TSPAN9: variants seen among roughly 807,000 people sequenced by gnomAD.
TSPAN9 encodes tetraspanin 9.
A neutral mutation model predicts 31.0 loss-of-function variants in TSPAN9; 16 were observed. That is an observed-to-expected ratio of 0.52 (90% confidence interval 0.35 to 0.78). The LOEUF (loss-of-function observed/expected upper bound fraction) is 0.78, where lower values mean the gene tolerates loss of function less well. Ranked by LOEUF, TSPAN9 falls within the 30% of genes least tolerant of loss-of-function variation. TSPAN9 has a pLI of 0.01. For missense variants in TSPAN9, 272 were observed against 312.5 expected (o/e 0.87, Z 0.98); for synonymous variants, 145 against 121.6 (o/e 1.19, Z -1.27).
intron 2 of TSPAN9, 130 bp downstream of exon 2, chr12:3,083,849 T>C (rs1225275717): frequency 1.3e-5 from 2 of 152,178 alleles, no homozygotes; most frequent in Non-Finnish European, 2.9e-5. Context: ...GATGCTGACA[T>C]TTTCTAGTTG....
Position 3,281,178 on chromosome 12 carries a change from C to T in TSPAN9, c.433-20C>T, listed in dbSNP as rs1437732379. 28 of 1,550,548 alleles carry T rather than the reference C, an allele frequency of 1.8e-5. No homozygotes were observed. The highest frequency in any genetic ancestry group is 5.2e-6 in the Non-Finnish European group (6 of 1,146,798). On this transcript the variant is annotated intron_variant, in intron 6 of 8. Transcript: ENST00000011898. ...CGGGCCATGGCATGTCTGACTGCCC[C>T]TTCCATTCCTGCTGGCCAGATGCGA...
intron 2 of TSPAN9, among the ~76,000 whole-genome samples, chr12:3,133,545 T>A (rs2098330767): frequency 6.6e-6 from 1 of 152,146 alleles, no homozygotes; most frequent in Admixed American, 6.5e-5. Flanking sequence ...TTCATTCCAA[T>A]GCAGTCATCT....
rs759266813 is a variant in TSPAN9, at chr12:3,166,787, G to GTT, written c.-17-34385_-17-34384dup. On this transcript the variant is annotated intron_variant, in intron 2 of 8. Coordinates refer to ENST00000011898, the MANE Select transcript of TSPAN9 (RefSeq NM_006675.5). The stretch of plus-strand genomic sequence containing the variant: ...CTCTAACAGCATAGATTAGTGTTTT[G>GTT]TTTTTTGTTTTTGTTTTTTTCTTCT... Among the ~76,000 whole-genome samples the GTT allele has an allele frequency of 2.0e-5, 3 of 152,028 alleles. 1 individual carries two copies. The highest frequency in any genetic ancestry group is 2.0e-4 in the Admixed American group (3 of 15,244).
chr12:3,164,898 T>G (rs909490315), intron 2 of TSPAN9, among the ~76,000 whole-genome samples: 2 of 152,232 alleles, frequency 1.3e-5, no homozygotes, highest in African/African-American at 4.8e-5. Context: ...TCTCCATTTC[T>G]GCTTTGTGAC....
intron 2 of TSPAN9, among the ~76,000 whole-genome samples, chr12:3,166,345 A>G (rs1042117160): frequency 6.6e-6 from 1 of 152,226 alleles, no homozygotes; most frequent in East Asian, 1.9e-4. Context: ...ACTAATTTAG[A>G]AAGGATTTGT....
At chr12:3,191,532 A>G (rs1194213799) in intron 2 of TSPAN9, among the ~76,000 whole-genome samples, 1 of 152,222 alleles carries the variant, frequency 6.6e-6, no homozygotes, top group Admixed American at 6.5e-5. Flanking sequence ...TTGAGCAACT[A>G]GAGGCCACAC....
At chr12:3,266,071 G>A (rs961632132) in intron 3 of TSPAN9, among the ~76,000 whole-genome samples, 4 of 152,102 alleles carry the variant, frequency 2.6e-5, no homozygotes, top group South Asian at 2.1e-4. Flanking sequence ...TCTTCATCCC[G>A]TCCTCCTCGG....
chr12:3,282,203 C>T, intron 8 of TSPAN9: 1 of 585,372 alleles, frequency 1.7e-6, no homozygotes, highest in East Asian at 2.8e-5. Flanking sequence ...GACCGTGAGA[C>T]CACACCGGGC....
At chr12:3,278,097 T>C (rs961468458) in intron 3 of TSPAN9, among the ~76,000 whole-genome samples, 3 of 152,238 alleles carry the variant, frequency 2.0e-5, no homozygotes, top group Admixed American at 6.5e-5. Flanking sequence ...ACCACTCACA[T>C]GTGTCCAGTA....
chr12:3,141,705 T>C (rs2098334958), intron 2 of TSPAN9, among the ~76,000 whole-genome samples: 3 of 152,198 alleles, frequency 2.0e-5, no homozygotes, highest in Admixed American at 2.0e-4. Context: ...CTCTGTGTTG[T>C]ATCTTAGCTG....
intron 3 of TSPAN9, among the ~76,000 whole-genome samples, chr12:3,202,931 C>A (rs917764132): frequency 6.6e-6 from 1 of 152,366 alleles, no homozygotes; most frequent in East Asian, 1.9e-4. Flanking sequence ...TGTGACCCAT[C>A]TGCCAGCATC....
At chr12:3,261,900 G>A (rs989941522) in intron 3 of TSPAN9, among the ~76,000 whole-genome samples, 3 of 152,198 alleles carry the variant, frequency 2.0e-5, no homozygotes, top group South Asian at 2.1e-4. Flanking sequence ...GCTCTGGCCT[G>A]GGTGGCACTG....
intron 3 of TSPAN9, among the ~76,000 whole-genome samples, chr12:3,203,971 A>G (rs1565612604): frequency 6.6e-6 from 1 of 152,132 alleles, no homozygotes; most frequent in African/African-American, 2.4e-5. Flanking sequence ...GGAAAACATC[A>G]AAGGCAGGTG....
At chr12:3,278,656 C>T in intron 4 of TSPAN9, 44 bp downstream of exon 4, 3 of 1,591,026 alleles carry the variant, frequency 1.9e-6, no homozygotes, top group South Asian at 2.3e-5. Flanking sequence ...TCCTGATCTC[C>T]TTGCACTTGG....
intron 3 of TSPAN9, among the ~76,000 whole-genome samples, chr12:3,259,806 A>C (rs891368766): frequency 1.3e-5 from 2 of 152,238 alleles, no homozygotes; most frequent in East Asian, 1.9e-4. Context: ...TCTGTTCCAC[A>C]TGTGAGCAAA....
intron 3 of TSPAN9, among the ~76,000 whole-genome samples, chr12:3,230,262 T>C (rs1440047875): frequency 6.6e-6 from 1 of 152,156 alleles, no homozygotes; most frequent in Non-Finnish European, 1.5e-5. Flanking sequence ...GGAGGATGAA[T>C]GCTTTTGAAG....
At chr12:3,110,926 A>C (rs1481294709) in intron 2 of TSPAN9, among the ~76,000 whole-genome samples, 1 of 152,224 alleles carries the variant, frequency 6.6e-6, no homozygotes, top group African/African-American at 2.4e-5. Flanking sequence ...ATGAACAAAA[A>C]TAAAAAAGCA....
At chr12:3,109,014 C>A (rs553470970) in intron 2 of TSPAN9, among the ~76,000 whole-genome samples, 1 of 151,924 alleles carries the variant, frequency 6.6e-6, no homozygotes, top group African/African-American at 2.4e-5. Context: ...CCGCTCACTG[C>A]AAGCTCCGCC....
At chr12:3,250,326 A>T (rs1463074673) in intron 3 of TSPAN9, among the ~76,000 whole-genome samples, 1 of 152,130 alleles carries the variant, frequency 6.6e-6, no homozygotes, top group Non-Finnish European at 1.5e-5. Flanking sequence ...CTATTTCAGG[A>T]TCTGTTAGGC....
Sources: gnomAD v4.1 joint callset for allele counts (sites outside exome capture counted in the v4.1 genomes callset) on GRCh38, gnomAD v4.1.1 for gene constraint, MANE v1.5 for transcripts, NCBI Gene and HGNC (gene_info 2026-07-23, HGNC 2026-07-21) for gene names.